Variants in PALM2AKAP2 observed in about 807,000 individuals in gnomAD.
The protein encoded by PALM2AKAP2 is PALM2 and AKAP2 fusion, also known as PALM2-AKAP2 fusion protein.
A neutral mutation model predicts 71.5 loss-of-function variants in PALM2AKAP2; 37 were observed. The ratio of observed to expected loss-of-function variants is 0.52; its 90% CI spans 0.40 to 0.68. The LOEUF is 0.68. PALM2AKAP2 is among the 30% of genes least tolerant of loss of function. The pLI, the probability that PALM2AKAP2 is intolerant of heterozygous loss-of-function variation, is 0.00. For missense variants in PALM2AKAP2, 1,224 were observed against 1,191.8 expected (o/e 1.03, Z -0.40); for synonymous variants, 468 against 478.8 (o/e 0.98, Z 0.29).
intron 3 of PALM2AKAP2, among the ~76,000 whole-genome samples, chr9:109,910,544 GT>G (rs1383575966): frequency 6.6e-6 from 1 of 152,236 alleles, no homozygotes; most frequent in Non-Finnish European, 1.5e-5. Context: ...AGAACATGGC[GT>G]CATGGTCTCT....
At chr9:110,106,889 G>T (rs1835133833) in intron 1 of PALM2AKAP2, among the ~76,000 whole-genome samples, 1 of 152,198 alleles carries the variant, frequency 6.6e-6, no homozygotes, top group South Asian at 2.1e-4. Flanking sequence ...GCCCCAGGGT[G>T]AAAGAGGTCT....
At chr9:110,000,333 G>T in intron 6 of PALM2AKAP2, among the ~76,000 whole-genome samples, 1 of 152,228 alleles carries the variant, frequency 6.6e-6, no homozygotes, top group Non-Finnish European at 1.5e-5. Context: ...CCATAAAAAG[G>T]ACATCAACTC....
At chr9:109,645,604 A>G (rs1188362813) in intron 1 of PALM2AKAP2, among the ~76,000 whole-genome samples, 1 of 152,122 alleles carries the variant, frequency 6.6e-6, no homozygotes, top group Non-Finnish European at 1.5e-5. Flanking sequence ...CTTTACAGCA[A>G]TGTGGATGGA....
At chr9:110,165,092 A>C (rs1016803179) in intron 3 of PALM2AKAP2, among the ~76,000 whole-genome samples, 4 of 152,160 alleles carry the variant, frequency 2.6e-5, no homozygotes, top group African/African-American at 7.2e-5. Flanking sequence ...AATGGGAGTA[A>C]TAACAGCATA....
intron 2 of PALM2AKAP2, among the ~76,000 whole-genome samples, chr9:109,872,309 C>G (rs1356553527): frequency 6.6e-6 from 1 of 151,964 alleles, no homozygotes; most frequent in East Asian, 1.9e-4. Context: ...GCTACTATAT[C>G]ATACTAGAGC....
chr9:109,901,872 A>G lies in PALM2AKAP2; in HGVS notation c.257+21191A>G, dbSNP rs543127855. ...ATAAAACAAGTCATTCAAAAATCCCAAGATCATCGTGGCTGGGCCAGAGAA... is the reference window on the plus strand; with the variant it reads ...ATAAAACAAGTCATTCAAAAATCCCGAGATCATCGTGGCTGGGCCAGAGAA... On this transcript the variant is annotated intron_variant, in intron 3 of 9. Coordinates refer to the PALM2AKAP2 transcript ENST00000302798. 4.9e-4 allele frequency among the ~76,000 whole-genome samples: 74 copies of G among 152,326 alleles called. No homozygotes were observed. In the Middle Eastern group the frequency reaches 0.01, roughly 21 times the overall value.
intron 1 of PALM2AKAP2, among the ~76,000 whole-genome samples, chr9:110,059,914 C>T (rs74828737): frequency 0.018 from 2,810 of 152,186 alleles, 72 homozygotes; most frequent in African/African-American, 0.06. Context: ...ATTTTTAGTA[C>T]AGTAATTGTC....
At chr9:109,940,562 G>T (rs961573010) in intron 6 of PALM2AKAP2, among the ~76,000 whole-genome samples, 5 of 152,158 alleles carry the variant, frequency 3.3e-5, no homozygotes, top group African/African-American at 1.2e-4. Flanking sequence ...TGGTTGAAAA[G>T]ATAGTTTGGA....
intron 7 of PALM2AKAP2, among the ~76,000 whole-genome samples, chr9:110,031,550 G>T (rs1169871979): frequency 6.6e-6 from 1 of 152,166 alleles, no homozygotes; most frequent in Admixed American, 6.5e-5. Flanking sequence ...GTAGTGCTCT[G>T]GGTGTTTAGG....
chr9:110,016,371 T>C (rs999974121), intron 7 of PALM2AKAP2, among the ~76,000 whole-genome samples: 1 of 152,146 alleles, frequency 6.6e-6, no homozygotes, highest in Non-Finnish European at 1.5e-5. Context: ...TATTTGTAAA[T>C]GGTAACCCCA....
intron 1 of PALM2AKAP2, among the ~76,000 whole-genome samples, chr9:109,660,463 T>A (rs1248302307): frequency 1.3e-5 from 2 of 152,168 alleles, no homozygotes; most frequent in Non-Finnish European, 2.9e-5. Flanking sequence ...TTTCTGTCCT[T>A]GTGATAGTTT....
chr9:109,711,199 T>G (rs1418891078), intron 1 of PALM2AKAP2, among the ~76,000 whole-genome samples: 1 of 152,010 alleles, frequency 6.6e-6, no homozygotes, highest in Non-Finnish European at 1.5e-5. Flanking sequence ...AGTAGCCTGG[T>G]AGTAGCCTTG....
At chr9:109,857,841 A>G (rs1342528296) in intron 1 of PALM2AKAP2, among the ~76,000 whole-genome samples, 1 of 152,248 alleles carries the variant, frequency 6.6e-6, no homozygotes, top group African/African-American at 2.4e-5. Context: ...AATTCTTACT[A>G]TAATGCCTGA....
At chr9:109,715,564 C>T (rs1030507426) in intron 1 of PALM2AKAP2, among the ~76,000 whole-genome samples, 1 of 152,176 alleles carries the variant, frequency 6.6e-6, no homozygotes, top group African/African-American at 2.4e-5. Context: ...CTGTCCACTC[C>T]CTGCAGTGCA....
intron 1 of PALM2AKAP2, among the ~76,000 whole-genome samples, chr9:110,131,477 A>G (rs1835733363): frequency 6.6e-6 from 1 of 152,246 alleles, no homozygotes; most frequent in African/African-American, 2.4e-5. Flanking sequence ...AGCATGGAGA[A>G]AATTCTGGAC....
intron 1 of PALM2AKAP2, among the ~76,000 whole-genome samples, chr9:110,135,172 A>AAT (rs1554755286): frequency 0.02 from 1,250 of 61,038 alleles, 188 homozygotes; most frequent in South Asian, 0.052. Flanking sequence ...AAAATATATA[A>AAT]ATATATATAT....
At chr9:109,943,489 T>C (rs1269022703) in intron 6 of PALM2AKAP2, 1 of 1,518,268 alleles carries the variant, frequency 6.6e-7, no homozygotes, top group Non-Finnish European at 8.8e-7. Flanking sequence ...TAGACCTCAC[T>C]GTACCACTAA....
At chr9:109,837,381 C>A (rs1333134633) in intron 1 of PALM2AKAP2, among the ~76,000 whole-genome samples, 1 of 152,126 alleles carries the variant, frequency 6.6e-6, no homozygotes, top group Non-Finnish European at 1.5e-5. Context: ...GAAGGAAGCA[C>A]TAAACATGGA....
intron 6 of PALM2AKAP2, among the ~76,000 whole-genome samples, chr9:109,989,021 C>A (rs1362734155): frequency 1.3e-5 from 2 of 152,182 alleles, no homozygotes; most frequent in African/African-American, 4.8e-5. Context: ...TGTGGGGCCT[C>A]CCCAGCCAAG....
Sources: allele counts gnomAD v4.1 joint callset (sites outside exome capture counted in the v4.1 genomes callset), GRCh38; gene constraint gnomAD v4.1.1; transcripts MANE v1.5; gene names NCBI Gene and HGNC (gene_info 2026-07-23, HGNC 2026-07-21).